The following ZSCAN5A variants were observed in gnomAD, a reference collection of about 807,000 sequenced individuals.
The protein encoded by ZSCAN5A is zinc finger and SCAN domain-containing protein 5A.
In ZSCAN5A, 12 loss-of-function variants were observed where a neutral mutation model predicts 23.7. That is an observed-to-expected ratio of 0.51 (90% CI 0.32 to 0.82). ZSCAN5A has a LOEUF of 0.82. ZSCAN5A is among the 40% of genes least tolerant of loss of function. ZSCAN5A has a pLI of 0.03. For synonymous variants in ZSCAN5A, 257 were observed against 239.9 expected, an observed-to-expected ratio of 1.07 and a Z score of -0.66; for missense variants, 597 against 617.9, an observed-to-expected ratio of 0.97 and a Z score of 0.36.
At chr19:56,230,103 T>C (rs569581996) in intron 2 of ZSCAN5A, among the ~76,000 whole-genome samples, 2 of 152,218 alleles carry the variant, frequency 1.3e-5, no homozygotes, top group Non-Finnish European at 2.9e-5. Context: ...TCCCAACACA[T>C]TATTATTATA....
intron 2 of ZSCAN5A, among the ~76,000 whole-genome samples, chr19:56,268,685 C>A (rs1311835456): frequency 6.6e-6 from 1 of 151,996 alleles, no homozygotes; most frequent in South Asian, 2.1e-4. Context: ...AATTCAGTGG[C>A]CTTTAGTGCA....
chr19:56,256,225 C>T (rs1568655802), intron 2 of ZSCAN5A, among the ~76,000 whole-genome samples: 1 of 152,180 alleles, frequency 6.6e-6, no homozygotes, highest in Non-Finnish European at 1.5e-5. Context: ...CAGGGTCTTA[C>T]TCTGTTGCCC....
intron 2 of ZSCAN5A, among the ~76,000 whole-genome samples, chr19:56,242,977 C>G (rs1232493310): frequency 6.6e-6 from 1 of 152,138 alleles, no homozygotes; most frequent in African/African-American, 2.4e-5. Context: ...CGAAGTTTCA[C>G]CATCTTGGTC....
rs991441966 is a variant in ZSCAN5A, at chr19:56,290,039, T to C, written c.-128+23244A>G. 2.0e-5 allele frequency among the ~76,000 whole-genome samples: 3 copies of C among 152,232 alleles called. No homozygotes were observed. In the East Asian group the frequency reaches 5.8e-4, roughly 29 times the overall value. On this transcript the variant is annotated intron_variant, in intron 2 of 5. Transcript: ENST00000683990. ...AATTCTCCCAAGAGCACTGGTCAAA[T>C]GGAACCCAAGTTATAAAGAGTGGTT...
chr19:56,240,760 C>T (rs1035428863), intron 2 of ZSCAN5A, among the ~76,000 whole-genome samples: 4 of 151,986 alleles, frequency 2.6e-5, no homozygotes, highest in South Asian at 2.1e-4. Flanking sequence ...ATTTTAGAGA[C>T]GGGGGTCTCA....
intron 2 of ZSCAN5A, among the ~76,000 whole-genome samples, chr19:56,353,802 A>T (rs1420021701): frequency 3.3e-5 from 5 of 152,052 alleles, no homozygotes; most frequent in South Asian, 2.1e-4. Flanking sequence ...AATAAAATAA[A>T]AAATAAATAA....
intron 2 of ZSCAN5A, among the ~76,000 whole-genome samples, chr19:56,348,547 C>CA: frequency 6.6e-6 from 1 of 152,298 alleles, no homozygotes; most frequent in East Asian, 1.9e-4. Flanking sequence ...CACAAACGCT[C>CA]AATTAGCTGA....
At chr19:56,361,232 T>C (rs1238090021) in intron 2 of ZSCAN5A, among the ~76,000 whole-genome samples, 2 of 152,142 alleles carry the variant, frequency 1.3e-5, no homozygotes, top group African/African-American at 2.4e-5. Flanking sequence ...TGCAGAGAAA[T>C]AGGAATGCTT....
At chr19:56,286,887 G>A (rs2039165655) in intron 2 of ZSCAN5A, among the ~76,000 whole-genome samples, 5 of 152,230 alleles carry the variant, frequency 3.3e-5, no homozygotes, top group Admixed American at 3.3e-4. Flanking sequence ...ATCCATATCT[G>A]GAATTTCCAC....
chr19:56,239,848 G>T (rs546265928), intron 2 of ZSCAN5A, among the ~76,000 whole-genome samples: 1 of 152,092 alleles, frequency 6.6e-6, no homozygotes, highest in Non-Finnish European at 1.5e-5. Flanking sequence ...TGTGGCGCGA[G>T]GGGACCCAAA....
intron 2 of ZSCAN5A, among the ~76,000 whole-genome samples, chr19:56,257,968 C>T (rs8106391): frequency 0.15 from 9,826 of 63,588 alleles, 88 homozygotes; most frequent in African/African-American, 0.24. Context: ...CACCACTGCC[C>T]GATCTTCTTA....
At chr19:56,364,970 T>A (rs1187935314) in intron 1 of ZSCAN5A, 1 of 152,216 alleles carries the variant, frequency 6.6e-6, no homozygotes, top group Non-Finnish European at 1.5e-5. Context: ...TAGGTGATGG[T>A]TACATGGGCA....
At chr19:56,281,263 C>T (rs2038676898) in intron 2 of ZSCAN5A, among the ~76,000 whole-genome samples, 1 of 152,040 alleles carries the variant, frequency 6.6e-6, no homozygotes, top group South Asian at 2.1e-4. Flanking sequence ...GTCTTTCTGT[C>T]TCAGGGGTGG....
At chr19:56,342,082 C>T (rs1188550291) in intron 2 of ZSCAN5A, among the ~76,000 whole-genome samples, 1 of 152,112 alleles carries the variant, frequency 6.6e-6, no homozygotes, top group African/African-American at 2.4e-5. Context: ...TACAGAAACA[C>T]TACTATCATT....
chr19:56,291,629 G>A (rs761147023), intron 2 of ZSCAN5A, among the ~76,000 whole-genome samples: 4 of 152,040 alleles, frequency 2.6e-5, no homozygotes, highest in Non-Finnish European at 5.9e-5. Context: ...CAACAGCACT[G>A]AAACCTAAGA....
At chr19:56,247,733 C>G (rs568497928) in intron 2 of ZSCAN5A, among the ~76,000 whole-genome samples, 21 of 151,926 alleles carry the variant, frequency 1.4e-4, no homozygotes, top group African/African-American at 5.1e-4. Flanking sequence ...GTTCTGTCAC[C>G]CAGGCTGGAG....
chr19:56,232,983 T>C (rs2034595092), intron 2 of ZSCAN5A, among the ~76,000 whole-genome samples: 1 of 152,204 alleles, frequency 6.6e-6, no homozygotes, highest in South Asian at 2.1e-4. Context: ...TGTCTGACTA[T>C]ATGGGCTTAT....
intron 2 of ZSCAN5A, among the ~76,000 whole-genome samples, chr19:56,230,208 C>T (rs974061408): frequency 1.3e-5 from 2 of 152,094 alleles, no homozygotes; most frequent in African/African-American, 4.8e-5. Flanking sequence ...GCCTCAGCCT[C>T]CCAAGTAGCT....
chr19:56,319,804 A>G, upstream of ZSCAN5A: 1 of 776,672 alleles, frequency 1.3e-6, no homozygotes, highest in Non-Finnish European at 2.4e-6. Context: ...GGTCCACTGG[A>G]ATTGGGACTC....
Sources: allele counts gnomAD v4.1 joint callset (sites outside exome capture counted in the v4.1 genomes callset), GRCh38; gene constraint gnomAD v4.1.1; transcripts MANE v1.5; gene names NCBI Gene and HGNC (gene_info 2026-07-23, HGNC 2026-07-21).